SHB: variants seen among roughly 807,000 people sequenced by gnomAD.
SHB encodes the protein SH2 domain containing adaptor protein B.
SHB carries 20 observed loss-of-function variants against 52.3 expected under a neutral mutation model. That is an observed-to-expected ratio of 0.38 (90% confidence interval 0.27 to 0.56). The LOEUF (loss-of-function observed/expected upper bound fraction) is 0.56, where lower values mean the gene tolerates loss of function less well. Among genes scored for constraint, SHB ranks in the 20% least tolerant of loss-of-function variants. The pLI, the probability that SHB is intolerant of heterozygous loss-of-function variation, is 0.71. For missense variants in SHB, 825 were observed against 723.3 expected (o/e 1.14, Z -1.61); for synonymous variants, 397 against 316.5 (o/e 1.25, Z -2.70).
chr9:37,945,395 A>G (rs901936967), intron 5 of SHB, among the ~76,000 whole-genome samples: 2 of 152,134 alleles, frequency 1.3e-5, no homozygotes, highest in African/African-American at 2.4e-5. Context: ...TTGCTCCCCA[A>G]CCAGCAGCTG....
chr9:38,027,032 T>A (rs1821350800), intron 1 of SHB, among the ~76,000 whole-genome samples: 1 of 152,190 alleles, frequency 6.6e-6, no homozygotes, highest in Non-Finnish European at 1.5e-5. Context: ...AATGCCTGGG[T>A]GAAGGGCCCT....
intron 1 of SHB, among the ~76,000 whole-genome samples, chr9:38,062,181 C>T (rs980130335): frequency 3.9e-5 from 6 of 152,160 alleles, no homozygotes; most frequent in East Asian, 3.9e-4. Context: ...ATTGAAACCA[C>T]GGAAAATAGA....
chr9:37,924,450 A>T (rs1238441068), intron 5 of SHB, among the ~76,000 whole-genome samples: 1 of 152,224 alleles, frequency 6.6e-6, no homozygotes, highest in African/African-American at 2.4e-5. Flanking sequence ...TGATGAAATG[A>T]CTTAAAAATA....
At chr9:38,054,798 A>T (rs886312936) in intron 1 of SHB, among the ~76,000 whole-genome samples, 10 of 152,246 alleles carry the variant, frequency 6.6e-5, no homozygotes, top group African/African-American at 2.4e-4. Flanking sequence ...TCCTGTGAAT[A>T]CCAGGTGCTC....
chr9:38,046,623 T>A (rs1821655593), intron 1 of SHB, among the ~76,000 whole-genome samples: 1 of 152,100 alleles, frequency 6.6e-6, no homozygotes, highest in Admixed American at 6.6e-5. Flanking sequence ...AAAAGGTGGG[T>A]GATCACGCCA....
chr9:37,984,801 C>T (rs1820784017), intron 2 of SHB, among the ~76,000 whole-genome samples: 1 of 152,192 alleles, frequency 6.6e-6, no homozygotes, highest in African/African-American at 2.4e-5. Flanking sequence ...CTAAACCATT[C>T]AAACGTCTGC....
At chr9:37,972,321 G>T (rs1383252728) in intron 3 of SHB, among the ~76,000 whole-genome samples, 1 of 152,190 alleles carries the variant, frequency 6.6e-6, no homozygotes, top group Non-Finnish European at 1.5e-5. Context: ...ATGCCCAGGG[G>T]ACAGACCTTG....
chr9:37,998,946 G>C (rs1410472927), intron 2 of SHB, among the ~76,000 whole-genome samples: 1 of 152,230 alleles, frequency 6.6e-6, no homozygotes, highest in Non-Finnish European at 1.5e-5. Flanking sequence ...AACCCACTGT[G>C]AGTCACTCAG....
chr9:38,065,176 C>G (rs1265322993), intron 1 of SHB, among the ~76,000 whole-genome samples: 2 of 152,126 alleles, frequency 1.3e-5, no homozygotes, highest in Non-Finnish European at 2.9e-5. Context: ...AGAAGGAAGG[C>G]CGGATCTACA....
intron 1 of SHB, among the ~76,000 whole-genome samples, chr9:38,044,240 C>T (rs185685855): frequency 2.6e-5 from 4 of 152,372 alleles, no homozygotes; most frequent in East Asian, 3.9e-4. Flanking sequence ...GTTGTGCAGA[C>T]GTCCCTCCCT....
intron 2 of SHB, among the ~76,000 whole-genome samples, chr9:37,982,342 A>C (rs1415566305): frequency 1.3e-5 from 2 of 152,026 alleles, no homozygotes; most frequent in Admixed American, 1.3e-4. Flanking sequence ...AAAATACAAA[A>C]ATTAGAGGGG....
intron 5 of SHB, among the ~76,000 whole-genome samples, chr9:37,920,724 G>A (rs1043828720): frequency 1.3e-5 from 2 of 152,192 alleles, no homozygotes; most frequent in Non-Finnish European, 2.9e-5. Context: ...CACAGGCAGA[G>A]CTCCTTCCTT....
At chr9:37,963,084 C>T (rs1456270407) in intron 3 of SHB, among the ~76,000 whole-genome samples, 2 of 152,156 alleles carry the variant, frequency 1.3e-5, no homozygotes, top group African/African-American at 2.4e-5. Flanking sequence ...GAGTGCCTTC[C>T]CCGGCGGAGG....
intron 1 of SHB, among the ~76,000 whole-genome samples, chr9:38,039,021 A>G (rs1821530562): frequency 6.6e-6 from 1 of 152,184 alleles, no homozygotes; most frequent in Admixed American, 6.5e-5. Flanking sequence ...TGAACTCCTG[A>G]CGCTTATCGC....
intron 3 of SHB, among the ~76,000 whole-genome samples, chr9:37,973,143 C>G (rs542855118): frequency 1.2e-4 from 18 of 152,368 alleles, no homozygotes; most frequent in African/African-American, 4.1e-4. Context: ...TTCCACCACA[C>G]AGACGCACAG....
chr9:37,955,816 C>T, intron 4 of SHB, 67 bp downstream of exon 4: 1 of 1,474,224 alleles, frequency 6.8e-7, no homozygotes, highest in South Asian at 1.2e-5. Flanking sequence ...AAGAAGATGA[C>T]ATGAAAGAGA....
At chr9:38,040,872 A>G (rs568282329) in intron 1 of SHB, among the ~76,000 whole-genome samples, 11 of 150,732 alleles carry the variant, frequency 7.3e-5, no homozygotes, top group Non-Finnish European at 1.5e-4. Context: ...TGTGATGTGC[A>G]CTCTGGAAGA....
intron 2 of SHB, among the ~76,000 whole-genome samples, chr9:37,999,219 G>C (rs1475853340): frequency 6.6e-6 from 1 of 152,146 alleles, no homozygotes; most frequent in Non-Finnish European, 1.5e-5. Context: ...ATCTAGCCAG[G>C]CCTGGGAAAC....
chr9:37,926,072 G>A (rs569710837), intron 5 of SHB, among the ~76,000 whole-genome samples: 2 of 152,270 alleles, frequency 1.3e-5, no homozygotes, highest in South Asian at 4.1e-4. Flanking sequence ...ATTGAAGGGA[G>A]TCAGGCCCAG....
Sources: gnomAD v4.1 joint callset for allele counts (sites outside exome capture counted in the v4.1 genomes callset) on GRCh38, gnomAD v4.1.1 for gene constraint, MANE v1.5 for transcripts, NCBI Gene and HGNC (gene_info 2026-07-23, HGNC 2026-07-21) for gene names.